Variants in CNTNAP4 observed in about 807,000 individuals in gnomAD.
CNTNAP4 encodes contactin associated protein family member 4.
A neutral mutation model predicts 148.4 loss-of-function variants in CNTNAP4; 98 were observed. That is an observed-to-expected ratio of 0.66 (90% CI 0.56 to 0.78). CNTNAP4 has a LOEUF of 0.78. CNTNAP4 is among the 30% of genes least tolerant of loss of function. CNTNAP4 has a pLI of 0.00. For missense variants in CNTNAP4, 1,935 were observed against 1,565.6 expected (o/e 1.24, Z -3.98); for synonymous variants, 730 against 565.1 (o/e 1.29, Z -4.14).
intron 7 of CNTNAP4, among the ~76,000 whole-genome samples, chr16:76,452,008 C>G (rs1025712889): frequency 9.3e-5 from 14 of 150,932 alleles, no homozygotes; most frequent in Admixed American, 1.3e-4. Flanking sequence ...TAAATATATA[C>G]AACTATTATG....
At chr16:76,323,674 T>G (rs1313428557) in intron 2 of CNTNAP4, among the ~76,000 whole-genome samples, 1 of 152,154 alleles carries the variant, frequency 6.6e-6, no homozygotes, top group African/African-American at 2.4e-5. Context: ...CCTCCCTCCT[T>G]GGCCCCTTCC....
chr16:76,308,428 C>G (rs1001123629), intron 1 of CNTNAP4, among the ~76,000 whole-genome samples: 1 of 152,266 alleles, frequency 6.6e-6, no homozygotes, highest in Admixed American at 6.5e-5. Flanking sequence ...TTTCCCTAAA[C>G]TTATTCTCTT....
chr16:76,536,437 C>G (rs2084215699), intron 18 of CNTNAP4, among the ~76,000 whole-genome samples: 1 of 152,080 alleles, frequency 6.6e-6, no homozygotes, highest in South Asian at 2.1e-4. Context: ...CTCAAGTAAT[C>G]CACCCACCTG....
chr16:76,370,060 C>G (rs1019380339), intron 3 of CNTNAP4, among the ~76,000 whole-genome samples: 2 of 152,150 alleles, frequency 1.3e-5, no homozygotes, highest in Non-Finnish European at 2.9e-5. Flanking sequence ...ACACCTTTAC[C>G]TAGTCATGTG....
intron 3 of CNTNAP4, among the ~76,000 whole-genome samples, chr16:76,377,716 TTTCTC>T (rs2015560199): frequency 6.6e-6 from 1 of 152,150 alleles, no homozygotes. Flanking sequence ...ATAAATGTGT[TTTCTC>T]TCCCTCATTT....
At chr16:76,351,546 A>T (rs1006587433) in intron 2 of CNTNAP4, among the ~76,000 whole-genome samples, 1 of 152,176 alleles carries the variant, frequency 6.6e-6, no homozygotes, top group African/African-American at 2.4e-5. Flanking sequence ...CCCGGTAGAG[A>T]TATTTGGATT....
chr16:76,488,203 G>A (rs1047110006), intron 12 of CNTNAP4, among the ~76,000 whole-genome samples: 1 of 152,176 alleles, frequency 6.6e-6, no homozygotes, highest in South Asian at 2.1e-4. Flanking sequence ...TGGAGGCTCA[G>A]ATTTTACCTG....
intron 2 of CNTNAP4, among the ~76,000 whole-genome samples, chr16:76,351,431 A>G (rs1292628263): frequency 6.6e-6 from 1 of 152,118 alleles, no homozygotes; most frequent in Admixed American, 6.5e-5. Context: ...TGTCTAGCTT[A>G]TGTCTTCCAT....
intron 10 of CNTNAP4, among the ~76,000 whole-genome samples, chr16:76,473,045 G>A (rs1311098059): frequency 6.6e-6 from 1 of 152,158 alleles, no homozygotes; most frequent in East Asian, 1.9e-4. Context: ...TTTCTGGTTT[G>A]ATTACCAACT....
intron 1 of CNTNAP4, among the ~76,000 whole-genome samples, chr16:76,308,757 C>G (rs1960771810): frequency 6.6e-6 from 1 of 152,190 alleles, no homozygotes; most frequent in Non-Finnish European, 1.5e-5. Flanking sequence ...GGATGAATCA[C>G]TGAAGATGCA....
intron 2 of CNTNAP4, among the ~76,000 whole-genome samples, chr16:76,345,354 A>G (rs140416678): frequency 4.6e-5 from 7 of 152,344 alleles, no homozygotes; most frequent in Admixed American, 3.9e-4. Context: ...AGGCAGAATC[A>G]TGGAAAACAC....
intron 3 of CNTNAP4, among the ~76,000 whole-genome samples, chr16:76,404,887 CAT>C (rs2078549091): frequency 1.3e-5 from 2 of 152,092 alleles, no homozygotes; most frequent in South Asian, 4.1e-4. Context: ...ATTTTCATAA[CAT>C]AAAAATGGTA....
intron 2 of CNTNAP4, among the ~76,000 whole-genome samples, chr16:76,334,742 A>G (rs1373887697): frequency 6.6e-6 from 1 of 152,048 alleles, no homozygotes; most frequent in Non-Finnish European, 1.5e-5. Context: ...AAACCCATGT[A>G]TTTTTTAGTG....
intron 17 of CNTNAP4, among the ~76,000 whole-genome samples, chr16:76,525,438 A>G (rs972020283): frequency 1.3e-5 from 2 of 149,906 alleles, no homozygotes; most frequent in Admixed American, 6.7e-5. Context: ...AAAAAAATCT[A>G]TATAGAGAGA....
intron 13 of CNTNAP4, among the ~76,000 whole-genome samples, chr16:76,492,934 A>G (rs2082275318): frequency 7.2e-6 from 1 of 139,446 alleles, no homozygotes; most frequent in South Asian, 2.4e-4. Flanking sequence ...CTTTAAGGCC[A>G]GTTGTGCTTG....
rs1964351238 is a variant in CNTNAP4, at chr16:76,340,170, G to A, written c.197-15148G>A. Among the ~76,000 whole-genome samples the A allele has an allele frequency of 8.6e-5, 13 of 152,020 alleles. No individual in the cohort carries two copies. In the South Asian group the frequency reaches 2.7e-3, roughly 32 times the overall value. ...AACCTGCTTTTACCAAAACAACTCTGGAAACAACAGTGAGAAGGGACTGGT... is the reference window on the plus strand; with the variant it reads ...AACCTGCTTTTACCAAAACAACTCTAGAAACAACAGTGAGAAGGGACTGGT... On this transcript the variant is annotated intron_variant, in intron 2 of 23. Transcript: ENST00000611870.
chr16:76,473,806 C>T (rs1205187751), intron 10 of CNTNAP4, among the ~76,000 whole-genome samples: 2 of 151,574 alleles, frequency 1.3e-5, no homozygotes, highest in Non-Finnish European at 2.9e-5. Context: ...TTGCGGAAAC[C>T]CTATTATGTA....
chr16:76,315,613 G>C (rs1961640978), intron 1 of CNTNAP4, among the ~76,000 whole-genome samples: 1 of 151,808 alleles, frequency 6.6e-6, no homozygotes, highest in Admixed American at 6.6e-5. Flanking sequence ...TCTGTTTTTT[G>C]AGACAGCGTC....
chr16:76,378,304 TGAG>T (rs1240629299), intron 3 of CNTNAP4, among the ~76,000 whole-genome samples: 1 of 152,066 alleles, frequency 6.6e-6, no homozygotes, highest in Non-Finnish European at 1.5e-5. Flanking sequence ...AAAAATATAA[TGAG>T]GACCCTGGAT....
Sources: gnomAD v4.1 joint callset for allele counts (sites outside exome capture counted in the v4.1 genomes callset) on GRCh38, gnomAD v4.1.1 for gene constraint, MANE v1.5 for transcripts, NCBI Gene and HGNC (gene_info 2026-07-23, HGNC 2026-07-21) for gene names.